Variants in LRRC71 observed in about 807,000 individuals in gnomAD.
LRRC71 encodes the protein leucine-rich repeat-containing protein 71.
A neutral mutation model predicts 66.6 loss-of-function variants in LRRC71; 54 were observed. The ratio of observed to expected loss-of-function variants is 0.81; its 90% CI spans 0.65 to 1.02. The LOEUF is 1.02. LRRC71 is among the 50% of genes least tolerant of loss of function. The pLI is 0.00. For synonymous variants in LRRC71, 323 were observed against 303.9 expected (o/e 1.06, Z -0.65); for missense variants, 724 against 718.0 (o/e 1.01, Z -0.10).
chr1:156,935,856 C>T (rs1374706904), downstream of LRRC71: 1 of 914,700 alleles, frequency 1.1e-6, no homozygotes, highest in Admixed American at 2.9e-5. Flanking sequence ...TGCGGGTCTC[C>T]CCCCGGGCCT....
chr1:156,936,693 C>G, downstream of LRRC71: 2 of 1,137,038 alleles, frequency 1.8e-6, no homozygotes, highest in Admixed American at 2.3e-5. Context: ...AGAATGAACT[C>G]GTTTCACTCA....
At chr1:156,937,362 C>A (rs201325770), downstream of LRRC71, 23 of 1,611,736 alleles carry the variant, frequency 1.4e-5, no homozygotes, top group African/African-American at 1.3e-4. Flanking sequence ...TCATCGTTGC[C>A]TCCCTGCAGC....
Position 156,926,796 on chromosome 1 carries a change from G to C in LRRC71, c.594-406G>C, listed in dbSNP as rs553695264. Among the ~76,000 whole-genome samples the C allele has an allele frequency of 3.9e-5, 6 of 152,194 alleles. No individual in the cohort carries two copies. In the East Asian group the frequency reaches 9.7e-4, roughly 25 times the overall value. ...TCACCCTGTTGCCCAGGCTGGTCTCGAACTCCTGAGCTCAGGCAATCTGCC... is the reference window on the plus strand; with the variant it reads ...TCACCCTGTTGCCCAGGCTGGTCTCCAACTCCTGAGCTCAGGCAATCTGCC... On this transcript the variant is annotated intron_variant, in intron 5 of 14. Coordinates refer to ENST00000337428, the MANE Select transcript of LRRC71 (RefSeq NM_144702.3).
chr1:156,931,769 CTTAT>C (rs1383482464), intron 12 of LRRC71, 143 bp from the exon 13 acceptor site: 5 of 656,582 alleles, frequency 7.6e-6, no homozygotes, highest in East Asian at 2.7e-5. Flanking sequence ...AGGGTATGGG[CTTAT>C]TTATTTTTGT....
Position 156,930,687 on chromosome 1 carries a change from C to T in LRRC71, c.1329+70C>T, listed in dbSNP as rs114693870. 4 of 1,391,812 alleles carry T rather than the reference C, an allele frequency of 2.9e-6. No homozygotes were observed. In the African/African-American group the frequency reaches 5.8e-5, roughly 20 times the overall value. The allele number at this position is 1,391,812 out of a possible 1,614,324, so 86.2% of individuals were successfully genotyped here. ...TTCCAGGCTTGCCTGAGACGTCTCA[C>T]CCCAGCCCCTCCTGGAATGTGGTCT... is the stretch of plus-strand genomic sequence containing the variant. On this transcript the variant is annotated intron_variant, in intron 12 of 14. Transcript: ENST00000337428.
chr1:156,935,965 G>A (rs1654964403), downstream of LRRC71: 1 of 1,597,644 alleles, frequency 6.3e-7, no homozygotes, highest in Non-Finnish European at 8.5e-7. Context: ...CCTGAAGGAG[G>A]AGTGGGGACG....
intron 9 of LRRC71, among the ~76,000 whole-genome samples, 175 bp downstream of exon 9, chr1:156,928,179 C>A (rs1366265196): frequency 1.3e-5 from 2 of 152,192 alleles, no homozygotes; most frequent in Non-Finnish European, 2.9e-5. Context: ...GCTGGGGGGG[C>A]TCTAATTGCA....
chr1:156,936,849 T>C (rs1388447815), downstream of LRRC71: 2 of 1,613,940 alleles, frequency 1.2e-6, no homozygotes, highest in African/African-American at 2.7e-5. Flanking sequence ...TCATGGCTGT[T>C]CCTGGAGTCA....
At chr1:156,923,837 G>A in intron 1 of LRRC71, 112 bp from the exon 2 acceptor site, 1 of 1,155,450 alleles carries the variant, frequency 8.7e-7, no homozygotes, top group Non-Finnish European at 1.2e-6. Flanking sequence ...TTTGCAAGTT[G>A]AATGGCTGCA....
intron 9 of LRRC71, among the ~76,000 whole-genome samples, chr1:156,929,017 T>C (rs1467409091): frequency 2.6e-5 from 4 of 152,162 alleles, no homozygotes; most frequent in African/African-American, 4.8e-5. Context: ...ATAAAAGCTG[T>C]TATTTTTTCC....
intron 1 of LRRC71, among the ~76,000 whole-genome samples, chr1:156,922,418 G>A (rs1462961586): frequency 6.6e-6 from 1 of 152,156 alleles, no homozygotes; most frequent in Non-Finnish European, 1.5e-5. Context: ...TGTGTGCTGT[G>A]GCAGGGGCAG....
chr1:156,933,236 C>T (rs189537287), downstream of LRRC71: 553 of 418,612 alleles, frequency 1.3e-3, 2 homozygotes, highest in Admixed American at 3.9e-3. Context: ...CCTCAGTTAG[C>T]CAGGGGCATT....
downstream of LRRC71, chr1:156,936,083 G>C: frequency 6.2e-7 from 1 of 1,612,392 alleles, no homozygotes; most frequent in African/African-American, 1.3e-5. Flanking sequence ...TGAAGGTGAG[G>C]AACTGGCCAG....
chr1:156,934,867 A>T (rs1434994762), downstream of LRRC71: 5 of 151,334 alleles, frequency 3.3e-5, no homozygotes, highest in African/African-American at 1.2e-4. Context: ...TTCTTAAAAA[A>T]AAAATCTTAA....
chr1:156,927,453 G>A, intron 6 of LRRC71, 43 bp from the exon 7 acceptor site: 1 of 1,522,462 alleles, frequency 6.6e-7, no homozygotes, highest in Non-Finnish European at 8.8e-7. Flanking sequence ...CGGACGCCCT[G>A]TACCTTTTCC....
At position 156,929,487 on chromosome 1, in the gene LRRC71, T is replaced by C. The variant is rs530348424; in HGVS notation, c.1146+58T>C. Reference sequence around the variant, plus strand: ...GGACGGACAGGGGAGGGGGCTTCCATCATGTACAGAGGTGGTGGAGGGAAG... The same window carrying C: ...GGACGGACAGGGGAGGGGGCTTCCACCATGTACAGAGGTGGTGGAGGGAAG... On this transcript the variant is annotated intron_variant, in intron 10 of 14. Coordinates refer to ENST00000337428, the MANE Select transcript of LRRC71 (RefSeq NM_144702.3). 1.9e-4 allele frequency: 313 copies of C among 1,608,394 alleles called. 1 individual carries two copies. In the African/African-American group the frequency reaches 3.8e-3, roughly 19 times the overall value.
chr1:156,923,383 T>C (rs1435350411), intron 1 of LRRC71, among the ~76,000 whole-genome samples: 1 of 152,246 alleles, frequency 6.6e-6, no homozygotes, highest in Admixed American at 6.5e-5. Context: ...TGTGAATTAA[T>C]ATAACTCAGA....
At chr1:156,936,495 A>ATATATATATATATATAT (rs1330599702), downstream of LRRC71, among the ~76,000 whole-genome samples, 5 of 57,098 alleles carry the variant, frequency 8.8e-5, no homozygotes, top group East Asian at 1.1e-3. Context: ...AAAAAAAAAA[A>ATATATATATATATATAT]AAATATATAT....
downstream of LRRC71, chr1:156,936,343 G>A (rs1408644174): frequency 1.8e-5 from 10 of 552,962 alleles, no homozygotes; most frequent in East Asian, 1.7e-4. Context: ...TAATCAGCAC[G>A]AGTCTTAGGC....
Sources: gnomAD v4.1 joint callset for allele counts (sites outside exome capture counted in the v4.1 genomes callset) on GRCh38, gnomAD v4.1.1 for gene constraint, MANE v1.5 for transcripts, NCBI Gene and HGNC (gene_info 2026-07-23, HGNC 2026-07-21) for gene names.